Variants in LRRIQ3 observed in about 807,000 individuals in gnomAD.
LRRIQ3 encodes leucine rich repeats and IQ motif containing 3.
A neutral mutation model predicts 59.3 loss-of-function variants in LRRIQ3; 75 were observed. The observed-to-expected ratio is 1.26, with a 90% CI of 1.05 to 1.53. The LOEUF is 1.53. Among genes scored for constraint, LRRIQ3 ranks in the 40% most tolerant of loss-of-function variants. LRRIQ3 has a pLI of 0.00. For synonymous variants in LRRIQ3, 250 were observed against 231.3 expected (o/e 1.08, Z -0.73); for missense variants, 831 against 710.0 (o/e 1.17, Z -1.94).
chr1:74,177,684 T>TTATATA lies in LRRIQ3; in HGVS notation c.573+4853_573+4854insTATATA, dbSNP rs1380776378. Among the ~76,000 whole-genome samples the TTATATA allele has an allele frequency of 4.6e-5, 7 of 151,830 alleles. No homozygotes were observed. In the East Asian group the frequency reaches 1.4e-3, roughly 29 times the overall value. ...AATTATATGTTTTACATTATATGTT[T>TTATATA]TAAGGAACATATATTTTAATGTTTT... On this transcript the variant is annotated intron_variant, in intron 3 of 7. Coordinates refer to ENST00000354431, the MANE Select transcript of LRRIQ3 (RefSeq NM_001105659.2).
chr1:74,187,245 C>A (rs1450914038), intron 1 of LRRIQ3, among the ~76,000 whole-genome samples: 2 of 151,928 alleles, frequency 1.3e-5, no homozygotes, highest in African/African-American at 4.8e-5. Context: ...TATAGCAGCA[C>A]AACTCACAAT....
intron 3 of LRRIQ3, among the ~76,000 whole-genome samples, chr1:74,170,484 G>T (rs1056036711): frequency 6.6e-6 from 1 of 151,972 alleles, no homozygotes; most frequent in African/African-American, 2.4e-5. Flanking sequence ...TATATCCATG[G>T]GTTTATTTCT....
chr1:74,095,427 C>T (rs555506031), intron 5 of LRRIQ3, among the ~76,000 whole-genome samples: 25 of 152,000 alleles, frequency 1.6e-4, no homozygotes, highest in Admixed American at 1.1e-3. Flanking sequence ...AATTTTTACT[C>T]GTGTCTCTAC....
At chr1:74,147,064 T>TA (rs1647617645) in intron 4 of LRRIQ3, among the ~76,000 whole-genome samples, 1 of 151,704 alleles carries the variant, frequency 6.6e-6, no homozygotes, top group Non-Finnish European at 1.5e-5. Context: ...TCCATCTCTA[T>TA]AAAAAATACA....
chr1:74,185,003 A>G (rs1650263962), intron 1 of LRRIQ3, among the ~76,000 whole-genome samples: 1 of 152,182 alleles, frequency 6.6e-6, no homozygotes, highest in South Asian at 2.1e-4. Context: ...AAAGTACTGA[A>G]TAACATTCCA....
intron 1 of LRRIQ3, among the ~76,000 whole-genome samples, chr1:74,185,812 G>A (rs570412449): frequency 4.2e-4 from 63 of 151,598 alleles, no homozygotes; most frequent in Non-Finnish European, 6.9e-4. Context: ...ACGTGGTGGC[G>A]GGCGCCTGTG....
intron 4 of LRRIQ3, among the ~76,000 whole-genome samples, chr1:74,109,760 A>G (rs985171969): frequency 4.6e-5 from 7 of 151,802 alleles, no homozygotes; most frequent in African/African-American, 1.7e-4. Flanking sequence ...GAATGCTGAG[A>G]AATTTCAGCT....
chr1:74,148,304 T>C (rs1647704840), intron 4 of LRRIQ3, among the ~76,000 whole-genome samples: 1 of 152,180 alleles, frequency 6.6e-6, no homozygotes, highest in Non-Finnish European at 1.5e-5. Context: ...TATAATTTAT[T>C]TGACCATAAT....
chr1:74,154,540 T>A (rs1465902273), intron 4 of LRRIQ3, among the ~76,000 whole-genome samples: 1 of 152,132 alleles, frequency 6.6e-6, no homozygotes, highest in Non-Finnish European at 1.5e-5. Flanking sequence ...CATGCTTAGT[T>A]TTTAAAGATT....
chr1:74,116,393 T>A (rs1646777221), intron 4 of LRRIQ3, among the ~76,000 whole-genome samples: 1 of 151,902 alleles, frequency 6.6e-6, no homozygotes, highest in Non-Finnish European at 1.5e-5. Context: ...TTAACAGTTC[T>A]CTGAAATGAC....
chr1:74,144,132 T>C (rs545341926), intron 4 of LRRIQ3, among the ~76,000 whole-genome samples: 19 of 152,110 alleles, frequency 1.2e-4, no homozygotes, highest in South Asian at 2.1e-4. Context: ...TCTTGTTTTT[T>C]CTCTTTTCTC....
intron 3 of LRRIQ3, among the ~76,000 whole-genome samples, chr1:74,159,511 G>T (rs1450469402): frequency 6.6e-6 from 1 of 152,096 alleles, no homozygotes; most frequent in East Asian, 1.9e-4. Context: ...TGGCTACAAA[G>T]ACATCACACT....
intron 5 of LRRIQ3, among the ~76,000 whole-genome samples, chr1:74,081,633 T>C (rs2100496336): frequency 6.6e-6 from 1 of 151,722 alleles, no homozygotes; most frequent in African/African-American, 2.4e-5. Context: ...TTTCAGAATA[T>C]ATAGTTTTCA....
In LRRIQ3 at chr1:74,041,281, C is replaced by T. The variant is rs542635732; in HGVS notation, c.1650G>A (p.Leu550=). 6.9e-6 allele frequency: 11 copies of T among 1,604,438 alleles called. No homozygotes were observed. The South Asian group carries it at 1.0e-4, about 15-fold the overall frequency. Residue 550 remains leucine (L), a synonymous_variant, in exon 7 of 8, where the codon CTG becomes CTA. Coordinates refer to ENST00000354431, the MANE Select transcript of LRRIQ3 (RefSeq NM_001105659.2). ...KNEAVLKEKS[L]IVKQKLKAEK... is the part of the protein sequence containing the mutation. ...CTGCTTTTAGTTTTTGCTTAACAAT[C>T]AGGCTTTTCTCTTTTAGGACAGCCT...
At chr1:74,034,327 A>G (rs1467363647) in intron 7 of LRRIQ3, among the ~76,000 whole-genome samples, 1 of 151,992 alleles carries the variant, frequency 6.6e-6, no homozygotes, top group Admixed American at 6.6e-5. Context: ...AAAGATGCCT[A>G]CTGGAACATA....
At chr1:74,153,737 T>C (rs532395585) in intron 4 of LRRIQ3, among the ~76,000 whole-genome samples, 1 of 152,292 alleles carries the variant, frequency 6.6e-6, no homozygotes, top group South Asian at 2.1e-4. Flanking sequence ...AATAAAAGTA[T>C]GTGAAACACA....
At chr1:74,153,750 A>C (rs938235998) in intron 4 of LRRIQ3, among the ~76,000 whole-genome samples, 36 of 152,112 alleles carry the variant, frequency 2.4e-4, no homozygotes, top group African/African-American at 8.2e-4. Context: ...GAAACACATC[A>C]AAGAGGCAAT....
At chr1:74,115,488 T>C (rs1646765500) in intron 4 of LRRIQ3, among the ~76,000 whole-genome samples, 2 of 152,096 alleles carry the variant, frequency 1.3e-5, no homozygotes, top group African/African-American at 4.8e-5. Flanking sequence ...GCCTTAGCAA[T>C]TAAAACTCTC....
At chr1:74,037,826 C>T (rs549599703) in intron 7 of LRRIQ3, among the ~76,000 whole-genome samples, 6 of 152,272 alleles carry the variant, frequency 3.9e-5, no homozygotes, top group East Asian at 1.9e-4. Flanking sequence ...CCTAGGAAAC[C>T]GTGCTTTTTC....
Sources: gnomAD v4.1 joint callset for allele counts (sites outside exome capture counted in the v4.1 genomes callset) on GRCh38, gnomAD v4.1.1 for gene constraint, MANE v1.5 for transcripts, NCBI Gene and HGNC (gene_info 2026-07-23, HGNC 2026-07-21) for gene names.